The following SLC10A6 variants were observed in gnomAD, a reference collection of about 807,000 sequenced individuals.
SLC10A6 encodes the protein solute carrier family 10 member 6.
SLC10A6 carries 27 observed loss-of-function variants against 30.0 expected under a neutral mutation model. That is an observed-to-expected ratio of 0.90 (90% CI 0.66 to 1.24). The LOEUF is 1.24. Ranked by LOEUF, SLC10A6 falls within the 50% of genes most tolerant of loss-of-function variation. The pLI is 0.00. For missense variants in SLC10A6, 439 were observed against 457.0 expected (o/e 0.96, Z 0.36); for synonymous variants, 166 against 173.8 (o/e 0.95, Z 0.36).
chr4:86,846,721 C>A (rs770702563), intron 1 of SLC10A6, among the ~76,000 whole-genome samples: 4 of 152,052 alleles, frequency 2.6e-5, no homozygotes, highest in Non-Finnish European at 5.9e-5. Context: ...AGTGAAACTC[C>A]ACCCCAAACT....
chr4:86,834,173 C>CAA (rs1232088592), intron 1 of SLC10A6, among the ~76,000 whole-genome samples: 4 of 152,132 alleles, frequency 2.6e-5, no homozygotes, highest in Non-Finnish European at 4.4e-5. Context: ...ACTGAGTTCT[C>CAA]ACTCAGTTCT....
intron 3 of SLC10A6, 63 bp from the exon 4 acceptor site, chr4:86,828,231 C>A: frequency 6.6e-7 from 1 of 1,513,048 alleles, no homozygotes; most frequent in South Asian, 1.3e-5. Flanking sequence ...GATACAAAGT[C>A]CATCAAGGTT....
chr4:86,827,361 T>C (rs1350072192), intron 4 of SLC10A6, among the ~76,000 whole-genome samples: 1 of 152,170 alleles, frequency 6.6e-6, no homozygotes, highest in Non-Finnish European at 1.5e-5. Flanking sequence ...AGGGTAGTGA[T>C]AGGATCTACT....
At chr4:86,845,615 A>G (rs1463108380) in intron 1 of SLC10A6, among the ~76,000 whole-genome samples, 1 of 152,244 alleles carries the variant, frequency 6.6e-6, no homozygotes, top group East Asian at 1.9e-4. Context: ...GAGAGACTAA[A>G]GGTGCAGAGA....
At chr4:86,833,913 C>A (rs914645785) in intron 1 of SLC10A6, among the ~76,000 whole-genome samples, 18 of 152,188 alleles carry the variant, frequency 1.2e-4, no homozygotes, top group Non-Finnish European at 4.4e-5. Flanking sequence ...AATCTACTTT[C>A]CGTCTTTATA....
intron 4 of SLC10A6, among the ~76,000 whole-genome samples, chr4:86,826,154 G>A (rs1014383991): frequency 4.9e-4 from 75 of 152,264 alleles, no homozygotes; most frequent in African/African-American, 1.6e-3. Flanking sequence ...GGCAGAAGCG[G>A]GAAGATTGCT....
intron 2 of SLC10A6, among the ~76,000 whole-genome samples, chr4:86,832,102 A>G (rs1269023321): frequency 6.6e-6 from 1 of 152,240 alleles, no homozygotes; most frequent in African/African-American, 2.4e-5. Flanking sequence ...TTATCAAAGC[A>G]GAATATATTA....
chr4:86,826,546 CAATAAATAA>C (rs1206499119), intron 4 of SLC10A6, among the ~76,000 whole-genome samples: 7 of 149,802 alleles, frequency 4.7e-5, no homozygotes, highest in African/African-American at 1.7e-4. Context: ...AACGAGGTCT[CAATAAATAA>C]ATAAATAAAT....
At chr4:86,848,263 G>T (rs1438517095) in intron 1 of SLC10A6, among the ~76,000 whole-genome samples, 1 of 152,166 alleles carries the variant, frequency 6.6e-6, no homozygotes, top group Admixed American at 6.5e-5. Context: ...CCTTTATCCA[G>T]TCCTCTAAAG....
At chr4:86,839,900 C>T (rs1746262036) in intron 1 of SLC10A6, among the ~76,000 whole-genome samples, 2 of 141,470 alleles carry the variant, frequency 1.4e-5, no homozygotes, top group Admixed American at 6.9e-5. Context: ...TTGTTACACT[C>T]TTATTTTTTT....
At chr4:86,843,454 T>G (rs1345862973) in intron 1 of SLC10A6, among the ~76,000 whole-genome samples, 1 of 152,046 alleles carries the variant, frequency 6.6e-6, no homozygotes, top group Non-Finnish European at 1.5e-5. Context: ...GAAACTACGG[T>G]AGAGGAAGGG....
chr4:86,843,908 G>T (rs1578760674), intron 1 of SLC10A6, among the ~76,000 whole-genome samples: 1 of 152,182 alleles, frequency 6.6e-6, no homozygotes. Context: ...GCCGGGCTCG[G>T]TGGCTCACAC....
chr4:86,832,320 G>A (rs1746093121), intron 2 of SLC10A6, among the ~76,000 whole-genome samples: 1 of 152,114 alleles, frequency 6.6e-6, no homozygotes, highest in African/African-American at 2.4e-5. Flanking sequence ...GAATCATAGT[G>A]TTGGCCAGGC....
rs200406516 is a variant in SLC10A6, at chr4:86,823,741, T to C, written c.1081A>G (p.Met361Val). The C allele has an allele frequency of 2.0e-4, 325 of 1,614,008 alleles. No individual in the cohort carries two copies. Among genetic ancestry groups the C allele is most frequent in the Non-Finnish European group, 2.4e-4 (285 of 1,180,004 alleles). The change falls in exon 6 of 6, where the codon ATG (methionine) becomes GTG (valine). Residue 361 changes from methionine (M) to valine (V), a missense_variant. Physicochemically the swap from Met to Val is conservative, Grantham distance 21. Transcript: ENST00000273905. ...GGCTCGAGAGCCCTGTGGCAATCCA[T>C]TGGCCCTGGTGGCCCAGGAGTGATG... is the stretch of plus-strand genomic sequence containing the variant. ...GAITPGPPGP[M>V]DCHRALEPVG...
intron 5 of SLC10A6, among the ~76,000 whole-genome samples, 166 bp downstream of exon 5, chr4:86,825,254 G>A (rs1241713503): frequency 6.6e-6 from 1 of 152,080 alleles, no homozygotes; most frequent in African/African-American, 2.4e-5. Context: ...TCCCACTTGT[G>A]CGCCAAACTA....
intron 1 of SLC10A6, among the ~76,000 whole-genome samples, chr4:86,840,473 A>G (rs1398239606): frequency 1.3e-5 from 2 of 152,082 alleles, no homozygotes; most frequent in Non-Finnish European, 2.9e-5. Context: ...TGAGTTTCTT[A>G]TCTTAAAGAC....
intron 1 of SLC10A6, among the ~76,000 whole-genome samples, chr4:86,844,041 G>A (rs1746352622): frequency 6.6e-6 from 1 of 152,196 alleles, no homozygotes; most frequent in South Asian, 2.1e-4. Context: ...AGCCAGGTGT[G>A]GTGGCAGGCG....
chr4:86,837,271 GAAA>G (rs1746206963), intron 1 of SLC10A6, among the ~76,000 whole-genome samples: 1 of 116,712 alleles, frequency 8.6e-6, no homozygotes, highest in Non-Finnish European at 1.7e-5. Flanking sequence ...AAGAAAGAAA[GAAA>G]GAAAGAAAGA....
chr4:86,842,263 G>A (rs1221044312), intron 1 of SLC10A6, among the ~76,000 whole-genome samples: 1 of 152,160 alleles, frequency 6.6e-6, no homozygotes. Context: ...AAAGTTCAAA[G>A]GTCAAAGTTG....
Sources: allele counts gnomAD v4.1 joint callset (sites outside exome capture counted in the v4.1 genomes callset), GRCh38; gene constraint gnomAD v4.1.1; transcripts MANE v1.5; gene names NCBI Gene and HGNC (gene_info 2026-07-23, HGNC 2026-07-21).